SLC8A1: variants seen among roughly 807,000 people sequenced by gnomAD.
SLC8A1 encodes the protein sodium/calcium exchanger 1.
A neutral mutation model predicts 68.3 loss-of-function variants in SLC8A1; 18 were observed. The ratio of observed to expected loss-of-function variants is 0.26; its 90% CI spans 0.18 to 0.39. The LOEUF is 0.39. Ranked by LOEUF, SLC8A1 falls within the 10% of genes least tolerant of loss-of-function variation. SLC8A1 has a pLI of 1.00. For synonymous variants in SLC8A1, 475 were observed against 415.5 expected (o/e 1.14, Z -1.74); for missense variants, 985 against 1,156.7 (o/e 0.85, Z 2.15).
intron 4 of SLC8A1, among the ~76,000 whole-genome samples, chr2:40,168,887 C>G (rs1442659804): frequency 6.6e-6 from 1 of 152,182 alleles, no homozygotes; most frequent in African/African-American, 2.4e-5. Flanking sequence ...ACATCATAGT[C>G]TTAACCAATC....
chr2:40,165,513 G>C lies in SLC8A1; in HGVS notation c.1931-529C>G, dbSNP rs888914124. ...GACTTTAGCCTCTCTCTTGCCAAGA[G>C]ACCCTATTGCAAGTTAAACAGCAAA... On this transcript the variant is annotated intron_variant, in intron 4 of 7. Transcript: ENST00000406785. 1.3e-5 allele frequency among the ~76,000 whole-genome samples: 2 copies of C among 152,174 alleles called. 1 individual carries two copies. Among genetic ancestry groups the C allele is most frequent in the South Asian group, 4.1e-4 (2 of 4,832 alleles).
chr2:40,232,244 G>C (rs1031837590), intron 2 of SLC8A1, among the ~76,000 whole-genome samples: 1 of 152,052 alleles, frequency 6.6e-6, no homozygotes, highest in Non-Finnish European at 1.5e-5. Flanking sequence ...TTAACTCTGG[G>C]CACCTACACT....
At chr2:40,465,728 T>C (rs1460108411) in intron 1 of SLC8A1, among the ~76,000 whole-genome samples, 1 of 152,184 alleles carries the variant, frequency 6.6e-6, no homozygotes, top group Non-Finnish European at 1.5e-5. Flanking sequence ...GATAGCGTAT[T>C]TTTTTATACA....
At chr2:40,250,177 A>G (rs572602761) in intron 2 of SLC8A1, 3 of 152,332 alleles carry the variant, frequency 2.0e-5, no homozygotes, top group African/African-American at 7.2e-5. Context: ...AGTAAATACT[A>G]TTTTATAATT....
intron 1 of SLC8A1, among the ~76,000 whole-genome samples, chr2:40,446,044 G>T (rs1048030511): frequency 6.6e-6 from 1 of 152,194 alleles, no homozygotes; most frequent in Non-Finnish European, 1.5e-5. Flanking sequence ...AGCTTTAAGG[G>T]AAAGCTGAAG....
intron 2 of SLC8A1, among the ~76,000 whole-genome samples, chr2:40,340,139 T>C (rs1667225009): frequency 6.6e-6 from 1 of 152,220 alleles, no homozygotes; most frequent in Non-Finnish European, 1.5e-5. Context: ...ATATATTGCA[T>C]GCTCTTTGGA....
intron 2 of SLC8A1, among the ~76,000 whole-genome samples, chr2:40,385,188 T>G (rs1683160026): frequency 6.6e-6 from 1 of 152,022 alleles, no homozygotes; most frequent in South Asian, 2.1e-4. Context: ...GCGAGTATGT[T>G]CTTAACTGTT....
intron 2 of SLC8A1, among the ~76,000 whole-genome samples, chr2:40,260,664 T>G (rs901460236): frequency 1.1e-4 from 16 of 151,598 alleles, no homozygotes; most frequent in Admixed American, 6.6e-4. Flanking sequence ...GAAAAAGAGG[T>G]GTCTTTCAAC....
chr2:40,235,140 T>G (rs1480209197), intron 2 of SLC8A1, among the ~76,000 whole-genome samples: 2 of 152,038 alleles, frequency 1.3e-5, no homozygotes, highest in African/African-American at 4.8e-5. Context: ...GATTCCCTCT[T>G]TTTCTATTGA....
chr2:40,248,274 TTA>T (rs148069550), intron 2 of SLC8A1, among the ~76,000 whole-genome samples: 4,950 of 152,208 alleles, frequency 0.033, 215 homozygotes, highest in African/African-American at 0.099. Flanking sequence ...GGCTGAATGT[TTA>T]TGTTTTCCCA....
Position 40,200,198 on chromosome 2 carries a change from ATATATATAAATATATATATATTTTTT to A in SLC8A1, c.1809-22369_1809-22344del, listed in dbSNP as rs1464823080. On this transcript the variant is annotated intron_variant, in intron 2 of 7. Transcript: ENST00000406785. ...GATATATATATATATATATTTATAT[ATATATATAAATATATATATATTTTTT>A]TATATATATATATAAATATATATAT... Among the ~76,000 whole-genome samples, 71 of 10,016 alleles carry A rather than the reference ATATATATAAATATATATATATTTTTT, an allele frequency of 7.1e-3. 5 individuals are homozygous for A. The highest frequency in any genetic ancestry group is 0.05 in the Middle Eastern group (1 of 20). The allele number at this position is 10,016 out of a possible 152,430, so 6.6% of individuals were successfully genotyped here.
rs1177758724 is a variant in SLC8A1 at position 40,399,958 on chromosome 2, C to T, written c.1808+28515G>A. ...GTTAAAGATCGACCCCTGACCTAAT[C>T]GGTTATTTTACCTATAGATTACAGA... On this transcript the variant is annotated intron_variant, in intron 2 of 7. Coordinates refer to ENST00000406785, the Ensembl canonical transcript of SLC8A1. 4.6e-5 allele frequency among the ~76,000 whole-genome samples: 7 copies of T among 152,184 alleles called. No homozygotes were observed. The South Asian group carries it at 1.2e-3, about 27-fold the overall frequency.
chr2:40,450,874 C>T (rs71439299), intron 1 of SLC8A1, among the ~76,000 whole-genome samples: 7,888 of 152,186 alleles, frequency 0.052, 373 homozygotes, highest in East Asian at 0.25. Context: ...ATTTCATCAC[C>T]CCTGTTCTCA....
At chr2:40,276,641 G>A (rs895899935) in intron 2 of SLC8A1, among the ~76,000 whole-genome samples, 8 of 152,344 alleles carry the variant, frequency 5.3e-5, no homozygotes, top group Non-Finnish European at 1.2e-4. Context: ...GGAGGTTGCA[G>A]TCAAGGGCAG....
chr2:40,275,626 A>G (rs537843793), intron 2 of SLC8A1, among the ~76,000 whole-genome samples: 3 of 152,308 alleles, frequency 2.0e-5, no homozygotes, highest in South Asian at 4.2e-4. Flanking sequence ...TGAGTAACCC[A>G]CAGGCCTCTC....
intron 2 of SLC8A1, among the ~76,000 whole-genome samples, chr2:40,252,283 T>C (rs976994986): frequency 9.9e-5 from 15 of 152,168 alleles, no homozygotes; most frequent in African/African-American, 1.4e-4. Context: ...AGCAGCTCTT[T>C]CTGCATTTGC....
intron 2 of SLC8A1, among the ~76,000 whole-genome samples, chr2:40,322,236 T>C (rs1308787229): frequency 2.0e-5 from 3 of 152,318 alleles, no homozygotes; most frequent in South Asian, 2.1e-4. Flanking sequence ...CTAAACTTCT[T>C]GAATCAGAAA....
chr2:40,109,321 CT>C (rs2034418231), exon 8 of SLC8A1: 1 of 152,108 alleles, frequency 6.6e-6, no homozygotes, highest in African/African-American at 2.4e-5. Flanking sequence ...TGTAGAAACC[CT>C]CATGAGCATC....
chr2:40,319,171 T>C (rs1467271153), intron 2 of SLC8A1, among the ~76,000 whole-genome samples: 2 of 152,082 alleles, frequency 1.3e-5, no homozygotes, highest in African/African-American at 4.8e-5. Context: ...ATCCAAGCGA[T>C]GGATTGTTTT....
Sources: gnomAD v4.1 joint callset for allele counts (sites outside exome capture counted in the v4.1 genomes callset) on GRCh38, gnomAD v4.1.1 for gene constraint, MANE v1.5 for transcripts, NCBI Gene and HGNC (gene_info 2026-07-23, HGNC 2026-07-21) for gene names.